The following CACNA1B variants were observed in gnomAD, a reference collection of about 807,000 sequenced individuals.
The protein encoded by CACNA1B is voltage-dependent N-type calcium channel subunit alpha-1B.
In CACNA1B, 70 loss-of-function variants were observed where a neutral mutation model predicts 247.2. The observed-to-expected ratio is 0.28, with a 90% CI of 0.23 to 0.35. The LOEUF (loss-of-function observed/expected upper bound fraction) is 0.35. CACNA1B is among the 10% of genes least tolerant of loss of function. The pLI, the probability that CACNA1B is intolerant of heterozygous loss-of-function variation, is 1.00. For synonymous variants in CACNA1B, 1,231 were observed against 1,294.4 expected, an observed-to-expected ratio of 0.95 and a Z score of 1.05; for missense variants, 2,367 against 3,197.4, an observed-to-expected ratio of 0.74 and a Z score of 6.26.
At chr9:138,024,210 C>A (rs1958891158) in intron 19 of CACNA1B, among the ~76,000 whole-genome samples, 1 of 152,180 alleles carries the variant, frequency 6.6e-6, no homozygotes, top group Non-Finnish European at 1.5e-5. Flanking sequence ...CCAAGGGAAG[C>A]CTGAGCAGGC....
At position 137,990,933 on chromosome 9, in the gene CACNA1B, GATAAGAGAA is replaced by G. The variant is rs1958425248; in HGVS notation, c.1974+4080_1974+4088del. 6.6e-6 allele frequency among the ~76,000 whole-genome samples: 1 copy of G among 152,198 alleles called. No individual in the cohort carries two copies. The highest frequency in any genetic ancestry group is 1.5e-5 in the Non-Finnish European group (1 of 68,032). ...CACCACATCAAGGGAGCACCCCCAAGATAAGAGAACAGCAGCCCTTGAGTCGCAGATCTT... is the reference window on the plus strand; with the variant it reads ...CACCACATCAAGGGAGCACCCCCAAGCAGCAGCCCTTGAGTCGCAGATCTT... On this transcript the variant is annotated intron_variant, in intron 15 of 46. Coordinates refer to ENST00000371372, the MANE Select transcript of CACNA1B (RefSeq NM_000718.4). The surrounding 1 kb of genome is among the most constrained non-coding windows in gnomAD (Gnocchi z 4.5).
At chr9:137,879,771 G>A (rs1956891172) in intron 2 of CACNA1B, among the ~76,000 whole-genome samples, 2 of 152,214 alleles carry the variant, frequency 1.3e-5, no homozygotes, top group African/African-American at 4.8e-5. Flanking sequence ...CCAGGGCAAG[G>A]TCTCCGTGGC....
chr9:137,903,758 T>C (rs1369381418), intron 3 of CACNA1B, among the ~76,000 whole-genome samples: 8 of 152,260 alleles, frequency 5.3e-5, no homozygotes, highest in Non-Finnish European at 1.0e-4. Context: ...CCTTTTTTTT[T>C]TGTAAATAGA....
In CACNA1B at chr9:138,023,367, A is replaced by C; in HGVS notation, c.2624A>C (p.Glu875Ala). ...DQDRAEAPKA[E>A]SGEPGAREER... ...GACCGAGCAGAGGCCCCGAAGGCGGAGAGCGGGGAGCCCGGTGCCCGGGAG... is the reference window on the plus strand; with the variant it reads ...GACCGAGCAGAGGCCCCGAAGGCGGCGAGCGGGGAGCCCGGTGCCCGGGAG... The change falls in exon 19 of 47, where the codon GAG becomes GCG. Residue 875 changes from glutamate to alanine, a missense_variant. Glu to Ala is a moderately radical substitution (Grantham distance 107, BLOSUM62 -1). Transcript: ENST00000371372. 7.1e-7 allele frequency: 1 copy of C among 1,400,790 alleles called. No individual in the cohort carries two copies. Among genetic ancestry groups the C allele is most frequent in the Non-Finnish European group, 9.2e-7 (1 of 1,084,014 alleles). The allele number at this position is 1,400,790 out of a possible 1,614,324, so 86.8% of individuals were successfully genotyped here.
At chr9:137,958,470 CT>C (rs1957974181) in intron 10 of CACNA1B, among the ~76,000 whole-genome samples, 1 of 152,200 alleles carries the variant, frequency 6.6e-6, no homozygotes, top group African/African-American at 2.4e-5. Flanking sequence ...TAATCTGCTC[CT>C]AATCAATTTG....
Position 137,950,839 on chromosome 9 carries a change from C to T in CACNA1B, c.967-1435C>T, listed in dbSNP as rs1202369138. On this transcript the variant is annotated intron_variant, in intron 6 of 46. Coordinates refer to ENST00000371372, the MANE Select transcript of CACNA1B (RefSeq NM_000718.4). This position sits in a 1 kb window ranked among gnomAD's most constrained non-coding sequence, Gnocchi z 4.8. ...ATCTTTCAGAGTCATTCTATATTTGCTTTATGAATAATTTTCAGTATGTTA... is the reference window on the plus strand; with the variant it reads ...ATCTTTCAGAGTCATTCTATATTTGTTTTATGAATAATTTTCAGTATGTTA... Among the ~76,000 whole-genome samples, 2 of 152,210 alleles carry T rather than the reference C, an allele frequency of 1.3e-5. No homozygotes were observed. Among genetic ancestry groups the T allele is most frequent in the Admixed American group, 6.5e-5 (1 of 15,280 alleles).
At chr9:137,904,860 T>C (rs1453140824) in intron 3 of CACNA1B, among the ~76,000 whole-genome samples, 1 of 152,196 alleles carries the variant, frequency 6.6e-6, no homozygotes, top group Non-Finnish European at 1.5e-5. Flanking sequence ...TGGTGAGAAC[T>C]CTTAAAACAA....
chr9:137,961,494 G>T (rs927331198), intron 10 of CACNA1B, among the ~76,000 whole-genome samples: 10 of 152,140 alleles, frequency 6.6e-5, no homozygotes, highest in African/African-American at 1.9e-4. Flanking sequence ...GATGATATTG[G>T]CTATGGCTTT....
At position 138,059,269 on chromosome 9, in the gene CACNA1B, A is replaced by C; in HGVS notation, c.4584+80A>C. Reference sequence around the variant, plus strand: ...TCTGTAGGGCGACCTTTGGGGGCTCACAATTTGGAGCTGGGAATTCTCCGA... The same window carrying C: ...TCTGTAGGGCGACCTTTGGGGGCTCCCAATTTGGAGCTGGGAATTCTCCGA... On this transcript the variant is annotated intron_variant, in intron 30 of 46. Transcript: ENST00000371372. The surrounding 1 kb of genome is among the most constrained non-coding windows in gnomAD (Gnocchi z 4.2). 1 of 786,094 alleles carries C rather than the reference A, an allele frequency of 1.3e-6. No individual in the cohort carries two copies. The highest frequency in any genetic ancestry group is 2.2e-6 in the Non-Finnish European group (1 of 450,696). The allele number at this position is 786,094 out of a possible 1,614,324, so 48.7% of individuals were successfully genotyped here.
chr9:137,916,359 G>A (rs1362696883), intron 5 of CACNA1B, among the ~76,000 whole-genome samples: 2 of 151,792 alleles, frequency 1.3e-5, no homozygotes, highest in Non-Finnish European at 1.5e-5. Flanking sequence ...ATTTTTTTTC[G>A]GCCTTTCATT....
intron 10 of CACNA1B, among the ~76,000 whole-genome samples, chr9:137,966,878 T>TA (rs1156468668): frequency 6.6e-6 from 1 of 151,914 alleles, no homozygotes; most frequent in African/African-American, 2.4e-5. Context: ...GAGACAGAGT[T>TA]ACGTTGCCCA....
In CACNA1B at chr9:137,960,813, C is replaced by T. The variant is rs1211248380; in HGVS notation, c.1333+3126C>T. Among the ~76,000 whole-genome samples the T allele has an allele frequency of 3.3e-5, 5 of 152,042 alleles. No individual in the cohort carries two copies. The East Asian group carries it at 7.7e-4, about 23-fold the overall frequency. On this transcript the variant is annotated intron_variant, in intron 10 of 46. Coordinates refer to ENST00000371372, the MANE Select transcript of CACNA1B (RefSeq NM_000718.4). ...CCTCTGGCTTCTGTGGTATAAGGGT[C>T]TCTCTGGAGACTGTGTAAAGTGTTC...
chr9:138,024,038 C>T (rs1015193699), intron 19 of CACNA1B, among the ~76,000 whole-genome samples: 11 of 152,288 alleles, frequency 7.2e-5, no homozygotes, highest in African/African-American at 2.4e-4. Flanking sequence ...GTGTATGCTC[C>T]GTAAAAGGCT....
chr9:138,066,122 G>T (rs1002851554), intron 31 of CACNA1B, among the ~76,000 whole-genome samples: 12 of 152,364 alleles, frequency 7.9e-5, no homozygotes, highest in African/African-American at 2.6e-4. Context: ...ATAAGGAAGA[G>T]ATCCAGTTTC....
intron 23 of CACNA1B, among the ~76,000 whole-genome samples, chr9:138,047,699 C>T (rs1959195686): frequency 6.6e-6 from 1 of 152,240 alleles, no homozygotes; most frequent in Non-Finnish European, 1.5e-5. Flanking sequence ...TGGGCCTCCA[C>T]CTGCTCTGGT....
At position 138,098,281 on chromosome 9, in the gene CACNA1B, C is replaced by T. The variant is rs1961124223; in HGVS notation, c.5222+1670C>T. Among the ~76,000 whole-genome samples, 3 of 152,262 alleles carry T rather than the reference C, an allele frequency of 2.0e-5. No homozygotes were observed. In the South Asian group the frequency reaches 6.2e-4, roughly 32 times the overall value. The stretch of plus-strand genomic sequence containing the variant: ...CACACAGGACCTGTGGTCAAGTAAG[C>T]CCAGTCGACCTGGGGGAGACTGACC... On this transcript the variant is annotated intron_variant, in intron 37 of 46. Coordinates refer to ENST00000371372, the MANE Select transcript of CACNA1B (RefSeq NM_000718.4).
At chr9:137,937,140 G>A (rs781315244) in intron 6 of CACNA1B, among the ~76,000 whole-genome samples, 7 of 152,082 alleles carry the variant, frequency 4.6e-5, no homozygotes, top group South Asian at 2.1e-4. Context: ...ATTTATTTGC[G>A]TCCTCTTTTA....
In CACNA1B at chr9:137,952,185, A is replaced by G; in HGVS notation, c.967-89A>G. On this transcript the variant is annotated intron_variant, in intron 6 of 46. Transcript: ENST00000371372. This position sits in a 1 kb window ranked among gnomAD's most constrained non-coding sequence, Gnocchi z 4.8. ...ACCCTACCAGGTGTGTGCTTCTGAGAAGGAGGCCTGTTGGGGGCTGGGGGT... is the reference window on the plus strand; with the variant it reads ...ACCCTACCAGGTGTGTGCTTCTGAGGAGGAGGCCTGTTGGGGGCTGGGGGT... 1.0e-6 allele frequency: 1 copy of G among 984,038 alleles called. No individual in the cohort carries two copies. Among genetic ancestry groups the G allele is most frequent in the African/African-American group, 1.6e-5 (1 of 62,912 alleles). 61.0% of individuals were successfully genotyped at this position (984,038 alleles called of 1,614,324 possible).
chr9:137,925,925 T>C lies in CACNA1B; in HGVS notation c.966+8494T>C, dbSNP rs201828685. ...GCCCAGCTAAGTTTTGCATTTTTTTTTTTTTTTTTTAGTAGAGACGGGATT... is the reference window on the plus strand; with the variant it reads ...GCCCAGCTAAGTTTTGCATTTTTTTCTTTTTTTTTTAGTAGAGACGGGATT... On this transcript the variant is annotated intron_variant, in intron 6 of 46. Coordinates refer to ENST00000371372, the MANE Select transcript of CACNA1B (RefSeq NM_000718.4). Among the ~76,000 whole-genome samples, 44 of 151,300 alleles carry C rather than the reference T, an allele frequency of 2.9e-4. 1 individual carries two copies. In the East Asian group the frequency reaches 8.0e-3, roughly 27 times the overall value.
Sources: gnomAD v4.1 joint callset for allele counts (sites outside exome capture counted in the v4.1 genomes callset) on GRCh38, gnomAD v4.1.1 for gene constraint, Gnocchi (gnomAD v3.1) non-coding constraint, MANE v1.5 for transcripts, NCBI Gene and HGNC (gene_info 2026-07-23, HGNC 2026-07-21) for gene names.